Variants in NTRK3 observed in about 807,000 individuals in gnomAD.
NTRK3 encodes the protein neurotrophic receptor tyrosine kinase 3.
In NTRK3, 24 loss-of-function variants were observed where a neutral mutation model predicts 91.7. That is an observed-to-expected ratio of 0.26 (90% CI 0.19 to 0.37). The LOEUF (loss-of-function observed/expected upper bound fraction) is 0.37, where lower values mean the gene tolerates loss of function less well. Ranked by LOEUF, NTRK3 falls within the 10% of genes least tolerant of loss-of-function variation. NTRK3 has a pLI of 1.00. For synonymous variants in NTRK3, 483 were observed against 404.0 expected, an observed-to-expected ratio of 1.20 and a Z score of -2.34; for missense variants, 880 against 1,068.9, an observed-to-expected ratio of 0.82 and a Z score of 2.46.
chr15:87,945,785 T>C (rs567592230), intron 14 of NTRK3, among the ~76,000 whole-genome samples: 1 of 129,732 alleles, frequency 7.7e-6, no homozygotes, highest in East Asian at 2.3e-4. Flanking sequence ...ATGGCACTGC[T>C]GAAAGAGTGA....
intron 17 of NTRK3, among the ~76,000 whole-genome samples, chr15:87,899,818 C>T (rs1482459549): frequency 6.6e-6 from 1 of 152,134 alleles, no homozygotes; most frequent in Non-Finnish European, 1.5e-5. Flanking sequence ...CCTTATCTAG[C>T]TTCTCTGAGC....
At chr15:87,902,275 G>C (rs1423889058) in intron 17 of NTRK3, among the ~76,000 whole-genome samples, 3 of 152,194 alleles carry the variant, frequency 2.0e-5, no homozygotes, top group Non-Finnish European at 4.4e-5. Context: ...TCCCACTCTT[G>C]TAGAAATGGC....
intron 13 of NTRK3, among the ~76,000 whole-genome samples, chr15:88,095,070 A>G (rs1010663707): frequency 6.6e-6 from 1 of 152,088 alleles, no homozygotes; most frequent in African/African-American, 2.4e-5. Context: ...ACACCACAAC[A>G]CCTGTGATCG....
chr15:88,064,066 A>G (rs898998916), intron 13 of NTRK3, among the ~76,000 whole-genome samples: 1 of 152,234 alleles, frequency 6.6e-6, no homozygotes, highest in African/African-American at 2.4e-5. Flanking sequence ...GTCCTTATAA[A>G]AGACAGAAAA....
Position 88,248,790 on chromosome 15 carries a change from G to C in NTRK3, c.248+7116C>G, listed in dbSNP as rs187400215. 7.8e-4 allele frequency among the ~76,000 whole-genome samples: 119 copies of C among 152,298 alleles called. 2 individuals are homozygous for C. In the East Asian group the frequency reaches 0.019, roughly 24 times the overall value. The stretch of plus-strand genomic sequence containing the variant: ...CTTAGAGTGCTTGGCACAGTGTCTA[G>C]AACATAGTAAGTGTTTCAGAAACGC... On this transcript the variant is annotated intron_variant, in intron 3 of 18. Coordinates refer to ENST00000394480, the Ensembl canonical transcript of NTRK3.
chr15:88,066,387 C>A (rs2046651590), intron 13 of NTRK3, among the ~76,000 whole-genome samples: 1 of 152,150 alleles, frequency 6.6e-6, no homozygotes, highest in Non-Finnish European at 1.5e-5. Flanking sequence ...GATTGCAGAT[C>A]CCCTTCCTAC....
intron 13 of NTRK3, among the ~76,000 whole-genome samples, chr15:88,121,937 A>G (rs2052754776): frequency 6.6e-6 from 1 of 152,176 alleles, no homozygotes; most frequent in Non-Finnish European, 1.5e-5. Flanking sequence ...CCAAGCCAAA[A>G]TTTTGATCAA....
chr15:87,972,376 C>T (rs947539959), intron 14 of NTRK3, among the ~76,000 whole-genome samples: 22 of 152,288 alleles, frequency 1.4e-4, no homozygotes, highest in African/African-American at 5.3e-4. Flanking sequence ...TGGAAGAAGA[C>T]AAAAGTCAGG....
At chr15:87,872,569 G>A (rs953336682) in exon 19 of NTRK3, 1 of 230,802 alleles carries the variant, frequency 4.3e-6, no homozygotes, top group African/African-American at 2.2e-5. Flanking sequence ...TTTTGAACAG[G>A]GAAGGTTGAC....
intron 14 of NTRK3, among the ~76,000 whole-genome samples, chr15:88,018,403 G>C (rs533428620): frequency 1.3e-5 from 2 of 152,184 alleles, no homozygotes; most frequent in African/African-American, 4.8e-5. Flanking sequence ...ACGGTGGGAG[G>C]GGGTATCCCA....
At chr15:88,204,397 A>AC (rs5814322) in intron 3 of NTRK3, among the ~76,000 whole-genome samples, 112,085 of 151,992 alleles carry the variant, frequency 0.74, 41,442 homozygotes, top group Middle Eastern at 0.81. Context: ...ACTGTCTATA[A>AC]AAAAATCACA....
chr15:88,129,770 C>T (rs1016465546), intron 10 of NTRK3, among the ~76,000 whole-genome samples: 5 of 152,130 alleles, frequency 3.3e-5, no homozygotes, highest in Non-Finnish European at 7.4e-5. Context: ...ATCATTTAAG[C>T]AACAAAACAA....
intron 15 of NTRK3, among the ~76,000 whole-genome samples, chr15:87,936,999 C>T (rs1280779547): frequency 1.3e-5 from 2 of 152,212 alleles, no homozygotes; most frequent in African/African-American, 4.8e-5. Context: ...TCATTTATTA[C>T]ACTTCAGTCT....
rs1391979020 is a variant in NTRK3, at chr15:88,032,699, A to G, written c.1585+158T>C. Among the ~76,000 whole-genome samples, 3 of 152,148 alleles carry G rather than the reference A, an allele frequency of 2.0e-5. No individual in the cohort carries two copies. The East Asian group carries it at 5.8e-4, about 30-fold the overall frequency. ...GTCCCGGGGACTCCTGGCTCAGGCT[A>G]TTCTTCAAGTTTTGAAACAAACAGG... is the stretch of plus-strand genomic sequence containing the variant. On this transcript the variant is annotated intron_variant, in intron 14 of 18. Transcript: ENST00000394480.
exon 3 of NTRK3, chr15:88,256,119 A>C (rs772820012): frequency 6.2e-7 from 1 of 1,609,842 alleles, no homozygotes; most frequent in Non-Finnish European, 8.5e-7. Context: ...AATCCGCCAG[A>C]AACTACACTT....
At chr15:88,219,255 G>T (rs907312139) in intron 3 of NTRK3, among the ~76,000 whole-genome samples, 2 of 152,228 alleles carry the variant, frequency 1.3e-5, no homozygotes, top group Non-Finnish European at 2.9e-5. Flanking sequence ...AAATCCTTTT[G>T]ACCTGCAGCA....
intron 5 of NTRK3, among the ~76,000 whole-genome samples, chr15:88,166,112 A>G (rs2044915755): frequency 6.6e-6 from 1 of 152,162 alleles, no homozygotes; most frequent in Non-Finnish European, 1.5e-5. Flanking sequence ...TTCAACAGTA[A>G]CAGAACAGAC....
At chr15:88,142,401 C>G (rs2042471214) in intron 6 of NTRK3, among the ~76,000 whole-genome samples, 1 of 152,264 alleles carries the variant, frequency 6.6e-6, no homozygotes, top group Non-Finnish European at 1.5e-5. Flanking sequence ...CTGATGGCTC[C>G]CCACATATTA....
chr15:88,025,423 G>C (rs1006360408), intron 14 of NTRK3, among the ~76,000 whole-genome samples: 9 of 152,220 alleles, frequency 5.9e-5, no homozygotes, highest in African/African-American at 1.9e-4. Context: ...CTAACTCCCA[G>C]TGCCTTACAA....
Sources: allele counts gnomAD v4.1 joint callset (sites outside exome capture counted in the v4.1 genomes callset), GRCh38; gene constraint gnomAD v4.1.1; transcripts MANE v1.5; gene names NCBI Gene and HGNC (gene_info 2026-07-23, HGNC 2026-07-21).